NKAIN3: variants seen among roughly 807,000 people sequenced by gnomAD.
NKAIN3 encodes the protein sodium/potassium-transporting ATPase subunit beta-1-interacting protein 3.
NKAIN3 carries 25 observed loss-of-function variants against 30.2 expected under a neutral mutation model. The ratio of observed to expected loss-of-function variants is 0.83; its 90% CI spans 0.60 to 1.16. The LOEUF is 1.16. NKAIN3 is among the 50% of genes most tolerant of loss of function. NKAIN3 has a pLI of 0.00. For synonymous variants in NKAIN3, 91 were observed against 89.6 expected (o/e 1.02, Z -0.09); for missense variants, 225 against 254.1 (o/e 0.89, Z 0.78).
intron 4 of NKAIN3, among the ~76,000 whole-genome samples, chr8:62,843,891 G>T (rs1337363387): frequency 6.6e-6 from 1 of 152,006 alleles, no homozygotes; most frequent in Non-Finnish European, 1.5e-5. Context: ...CCTCTCCTTT[G>T]CTGGTGTATG....
At chr8:62,612,423 G>A (rs1414071812) in intron 3 of NKAIN3, among the ~76,000 whole-genome samples, 1 of 151,820 alleles carries the variant, frequency 6.6e-6, no homozygotes, top group Non-Finnish European at 1.5e-5. Context: ...TCTGATATAA[G>A]TATAATGACT....
intron 4 of NKAIN3, among the ~76,000 whole-genome samples, chr8:62,842,227 T>C (rs867712738): frequency 6.6e-6 from 1 of 151,928 alleles, no homozygotes; most frequent in African/African-American, 2.4e-5. Context: ...ATGAGCTATC[T>C]GAAAAGAAAG....
At chr8:62,455,702 G>A (rs749400908) in intron 1 of NKAIN3, among the ~76,000 whole-genome samples, 23 of 152,178 alleles carry the variant, frequency 1.5e-4, no homozygotes, top group Non-Finnish European at 8.8e-5. Context: ...AGTGAACTAT[G>A]TTTGAAAATG....
chr8:62,390,360 T>C (rs927808528), intron 1 of NKAIN3, among the ~76,000 whole-genome samples: 74 of 152,332 alleles, frequency 4.9e-4, no homozygotes, highest in African/African-American at 1.7e-3. Flanking sequence ...ACCATGTTCC[T>C]GCAAAGGACA....
intron 3 of NKAIN3, among the ~76,000 whole-genome samples, chr8:62,593,715 C>T (rs1275724508): frequency 2.6e-5 from 4 of 151,954 alleles, no homozygotes; most frequent in Non-Finnish European, 5.9e-5. Context: ...AAAACAGAAA[C>T]AACCGGTATG....
At chr8:62,953,456 G>A (rs1205881611) in intron 5 of NKAIN3, among the ~76,000 whole-genome samples, 2 of 152,142 alleles carry the variant, frequency 1.3e-5, no homozygotes, top group Non-Finnish European at 2.9e-5. Flanking sequence ...GAGTGGCTTG[G>A]GGACAGAAGG....
At chr8:62,488,974 T>G (rs758549996) in intron 1 of NKAIN3, among the ~76,000 whole-genome samples, 52 of 152,316 alleles carry the variant, frequency 3.4e-4, no homozygotes, top group Middle Eastern at 3.4e-3. Context: ...GCGTGCTAAG[T>G]GTTCAATGAA....
rs77013627 is a variant in NKAIN3 at position 62,638,466 on chromosome 8, T to C, written c.273+48672T>C. ...AGGATATGGTATGTATCATCAACAC[T>C]TGACTTACACCCACCATTCAAAATC... On this transcript the variant is annotated intron_variant, in intron 3 of 6. Coordinates refer to ENST00000623646, the MANE Select transcript of NKAIN3 (RefSeq NM_001304533.3). Among the ~76,000 whole-genome samples, 1,429 of 152,214 alleles carry C rather than the reference T, an allele frequency of 9.4e-3. 24 individuals are homozygous for C. Among genetic ancestry groups the C allele is most frequent in the African/African-American group, 0.033 (1,363 of 41,536 alleles).
At chr8:62,801,111 G>C (rs1189303399) in intron 4 of NKAIN3, among the ~76,000 whole-genome samples, 3 of 152,218 alleles carry the variant, frequency 2.0e-5, no homozygotes, top group Non-Finnish European at 2.9e-5. Context: ...CAAAGAAGCC[G>C]GGAAGCTCCA....
intron 1 of NKAIN3, among the ~76,000 whole-genome samples, chr8:62,547,097 T>C (rs929978511): frequency 6.6e-6 from 1 of 152,196 alleles, no homozygotes; most frequent in Non-Finnish European, 1.5e-5. Context: ...GGTGAAGTTG[T>C]TAATGAGTTA....
intron 1 of NKAIN3, among the ~76,000 whole-genome samples, chr8:62,539,526 C>A (rs1355245837): frequency 6.6e-6 from 1 of 152,172 alleles, no homozygotes; most frequent in Admixed American, 6.5e-5. Context: ...TTCTTCTGAT[C>A]AATCACACAA....
At chr8:62,293,513 G>A (rs1813721908) in intron 1 of NKAIN3, among the ~76,000 whole-genome samples, 2 of 152,204 alleles carry the variant, frequency 1.3e-5, no homozygotes, top group African/African-American at 2.4e-5. Flanking sequence ...TCCAGACCCT[G>A]TTTGCCTGGG....
At position 62,743,276 on chromosome 8, in the gene NKAIN3, T is replaced by C. The variant is rs929511600; in HGVS notation, c.274-3656T>C. Among the ~76,000 whole-genome samples, 7 of 152,166 alleles carry C rather than the reference T, an allele frequency of 4.6e-5. No individual in the cohort carries two copies. The South Asian group carries it at 1.2e-3, about 27-fold the overall frequency. ...ATATACCTTGTATAGAAAACTGAGTTGTCATGTGGTAAGTTTAAAAAAAAA... is the reference window on the plus strand; with the variant it reads ...ATATACCTTGTATAGAAAACTGAGTCGTCATGTGGTAAGTTTAAAAAAAAA... On this transcript the variant is annotated intron_variant, in intron 3 of 6. Coordinates refer to ENST00000623646, the MANE Select transcript of NKAIN3 (RefSeq NM_001304533.3).
At chr8:62,278,613 G>A (rs1242379228) in intron 1 of NKAIN3, among the ~76,000 whole-genome samples, 1 of 152,104 alleles carries the variant, frequency 6.6e-6, no homozygotes, top group Middle Eastern at 3.2e-3. Flanking sequence ...ACACCTATGA[G>A]TGAGAACATG....
intron 1 of NKAIN3, among the ~76,000 whole-genome samples, chr8:62,263,404 T>C (rs945592827): frequency 2.6e-5 from 4 of 152,184 alleles, no homozygotes; most frequent in Non-Finnish European, 4.4e-5. Context: ...GTAATGCCTA[T>C]GTGCTTTTCA....
intron 5 of NKAIN3, among the ~76,000 whole-genome samples, chr8:62,926,221 C>T (rs1029569173): frequency 2.0e-5 from 3 of 152,178 alleles, no homozygotes; most frequent in Admixed American, 2.0e-4. Flanking sequence ...TAGTTTTATC[C>T]TGGTTATTAG....
chr8:62,527,882 G>GTGTGT (rs368290547), intron 1 of NKAIN3, among the ~76,000 whole-genome samples: 1 of 143,798 alleles, frequency 7.0e-6, no homozygotes, highest in African/African-American at 2.6e-5. Context: ...ACTTTTTTTT[G>GTGTGT]GTGTGTGTGT....
intron 5 of NKAIN3, among the ~76,000 whole-genome samples, chr8:62,992,820 T>C (rs1439676931): frequency 6.6e-6 from 1 of 150,444 alleles, no homozygotes; most frequent in Admixed American, 6.6e-5. Flanking sequence ...GGCAAGATTT[T>C]TTTCTGGTTG....
At chr8:62,905,646 A>G (rs925677333) in intron 4 of NKAIN3, among the ~76,000 whole-genome samples, 1 of 152,090 alleles carries the variant, frequency 6.6e-6, no homozygotes, top group African/African-American at 2.4e-5. Context: ...AATTAAGACC[A>G]CTGATGTCTT....
Sources: gnomAD v4.1 joint callset for allele counts (sites outside exome capture counted in the v4.1 genomes callset) on GRCh38, gnomAD v4.1.1 for gene constraint, MANE v1.5 for transcripts, NCBI Gene and HGNC (gene_info 2026-07-23, HGNC 2026-07-21) for gene names.